Variants in AP4S1 observed in about 807,000 individuals in gnomAD.
AP4S1 encodes AP-4 complex subunit sigma-1.
In AP4S1, 23 loss-of-function variants were observed where a neutral mutation model predicts 19.8. That is an observed-to-expected ratio of 1.16 (90% CI 0.84 to 1.65). The LOEUF is 1.65. Ranked by LOEUF, AP4S1 falls within the 40% of genes most tolerant of loss-of-function variation. The pLI, the probability that AP4S1 is intolerant of heterozygous loss-of-function variation, is 0.00. For synonymous variants in AP4S1, 46 were observed against 54.1 expected (o/e 0.85, Z 0.66); for missense variants, 166 against 172.8 (o/e 0.96, Z 0.22).
upstream of AP4S1, chr14:31,025,508 G>T (rs764963520): frequency 1.3e-4 from 27 of 214,322 alleles, no homozygotes; most frequent in Non-Finnish European, 2.6e-4. Flanking sequence ...CTCTCTTCGG[G>T]CTCTTCATCT....
intron 1 of AP4S1, among the ~76,000 whole-genome samples, chr14:31,049,428 A>AAAAAAAAAAATATAT (rs1384450221): frequency 5.2e-5 from 3 of 57,742 alleles, no homozygotes; most frequent in Non-Finnish European, 8.7e-5. Context: ...AAAAAAAAAA[A>AAAAAAAAAAATATAT]ATATATATAT....
At chr14:31,064,925 G>C (rs1886633728) in intron 1 of AP4S1, among the ~76,000 whole-genome samples, 2 of 152,190 alleles carry the variant, frequency 1.3e-5, no homozygotes, top group Non-Finnish European at 2.9e-5. Context: ...CTGCACTCCA[G>C]CCTGGGTGAC....
chr14:31,026,205 G>C, intron 1 of AP4S1: 4 of 1,399,680 alleles, frequency 2.9e-6, no homozygotes, highest in South Asian at 3.1e-5. Context: ...GGCCCCGGCC[G>C]GGGCGCAGGG....
At position 31,069,926 on chromosome 14, in the gene AP4S1, T is replaced by G. The variant is rs554442025; in HGVS notation, c.222T>G (p.Thr74=). The change falls in exon 3 of 6, where the codon ACT becomes ACG. Residue 74 remains threonine, a synonymous_variant. Transcript: ENST00000542754. ...TCATTGTGGTTGGAGTTAATGACAC[T>G]GAGGTAAGATAATAGAAGAGCCCTT... ...ALFIVVGVND[T]ENEMAIYEFI... 4 of 1,607,030 alleles carry G rather than the reference T, an allele frequency of 2.5e-6. No individual in the cohort carries two copies. The African/African-American group carries it at 4.0e-5, about 16-fold the overall frequency.
intron 1 of AP4S1, among the ~76,000 whole-genome samples, chr14:31,053,998 G>T (rs1259553502): frequency 6.6e-6 from 1 of 151,986 alleles, no homozygotes; most frequent in Non-Finnish European, 1.5e-5. Context: ...AGGATATGAG[G>T]GTATTTTATA....
Position 31,058,517 on chromosome 14 carries a change from CTGTGTGTGTATGTGTGTGTGTG to C in AP4S1, c.-71-7599_-71-7578del, listed in dbSNP as rs1447817166. Among the ~76,000 whole-genome samples, 799 of 139,432 alleles carry C rather than the reference CTGTGTGTGTATGTGTGTGTGTG, an allele frequency of 5.7e-3. 4 individuals are homozygous for C. The highest frequency in any genetic ancestry group is 8.7e-3 in the Admixed American group (119 of 13,608). The allele number at this position is 139,432 out of a possible 152,430, so 91.5% of individuals were successfully genotyped here. A position where few individuals can be genotyped will look rare whatever the true frequency, so the allele number is the denominator to read the frequency against. On this transcript the variant is annotated intron_variant, in intron 1 of 5. Coordinates refer to ENST00000542754, the MANE Select transcript of AP4S1 (RefSeq NM_001128126.3). ...GGTCATCAAAACATCTTCCCCATCT[CTGTGTGTGTATGTGTGTGTGTG>C]TGTGTGTGTGTGTGTGTGTGTGTGT...
chr14:31,046,922 G>T (rs933109774), intron 1 of AP4S1, among the ~76,000 whole-genome samples: 1 of 151,576 alleles, frequency 6.6e-6, no homozygotes, highest in Admixed American at 6.6e-5. Context: ...TTTGGAAACT[G>T]CCGATTTGTT....
intron 4 of AP4S1, among the ~76,000 whole-genome samples, chr14:31,075,215 C>T (rs1017480715): frequency 3.9e-5 from 6 of 152,138 alleles, no homozygotes; most frequent in Admixed American, 3.9e-4. Flanking sequence ...TGGTAACCAC[C>T]AATTTACTGT....
At chr14:31,089,875 C>G (rs552239536) in intron 5 of AP4S1, among the ~76,000 whole-genome samples, 8 of 152,328 alleles carry the variant, frequency 5.3e-5, no homozygotes, top group Non-Finnish European at 1.0e-4. Flanking sequence ...GCCTAGATCA[C>G]CCCACTCCAC....
At chr14:31,085,014 T>C (rs1594714174) in intron 5 of AP4S1, 1 of 1,506,248 alleles carries the variant, frequency 6.6e-7, no homozygotes, top group East Asian at 2.5e-5. Context: ...TTGGTGCCTT[T>C]AAAGAGGCCT....
chr14:31,065,077 A>G (rs962377774), intron 1 of AP4S1, among the ~76,000 whole-genome samples: 1 of 152,190 alleles, frequency 6.6e-6, no homozygotes, highest in Non-Finnish European at 1.5e-5. Context: ...CACTACTATT[A>G]TTTCCACCAC....
chr14:31,035,483 G>A (rs1376058816), intron 1 of AP4S1, among the ~76,000 whole-genome samples: 5 of 151,526 alleles, frequency 3.3e-5, no homozygotes, highest in Non-Finnish European at 5.9e-5. Flanking sequence ...AAGCAACCAC[G>A]CCCAGCCAGT....
chr14:31,033,302 C>T (rs1884520274), intron 1 of AP4S1, among the ~76,000 whole-genome samples: 1 of 152,078 alleles, frequency 6.6e-6, no homozygotes. Context: ...CAACCTCTGC[C>T]TCCCGTGTTC....
rs576584966 is a variant in AP4S1 at position 31,095,922 on chromosome 14, A to C, written c.*2887A>C. 6.6e-6 allele frequency: 1 copy of C among 151,652 alleles called. No individual in the cohort carries two copies. The highest frequency in any genetic ancestry group is 1.5e-5 in the Non-Finnish European group (1 of 67,928). The allele number at this position is 151,652 out of a possible 1,614,324, so 9.4% of individuals were successfully genotyped here. ...AACATGGTGAGACCCTGTCTCTACTAAAACTACGAAAAATTAGCCGGGCAT... is the reference window on the plus strand; with the variant it reads ...AACATGGTGAGACCCTGTCTCTACTCAAACTACGAAAAATTAGCCGGGCAT... On this transcript the variant is annotated 3_prime_UTR_variant, in exon 6 of 6. Transcript: ENST00000542754.
At chr14:31,073,084 A>G (rs1887103660) in intron 4 of AP4S1, 111 bp downstream of exon 4, 1 of 985,868 alleles carries the variant, frequency 1.0e-6, no homozygotes, top group Admixed American at 2.0e-5. Context: ...TTAATAAGTA[A>G]AAGTTAAAAC....
At chr14:31,026,066 G>A (rs1335813639) in intron 1 of AP4S1, 4 of 1,516,678 alleles carry the variant, frequency 2.6e-6, no homozygotes, top group Non-Finnish European at 3.5e-6. Context: ...GAGGACCCCC[G>A]CCGCCCGCCG....
At chr14:31,045,538 A>G (rs367658733) in intron 1 of AP4S1, among the ~76,000 whole-genome samples, 5 of 152,186 alleles carry the variant, frequency 3.3e-5, no homozygotes, top group African/African-American at 1.2e-4. Flanking sequence ...CCGTCGCCTT[A>G]TGCCATGATT....
intron 1 of AP4S1, among the ~76,000 whole-genome samples, chr14:31,028,596 TACAC>T (rs112174443): frequency 2.7e-5 from 4 of 149,020 alleles, no homozygotes; most frequent in East Asian, 2.0e-4. Flanking sequence ...TACACACACA[TACAC>T]ACACACACAC....
chr14:31,077,022 C>T (rs754364578), intron 4 of AP4S1, among the ~76,000 whole-genome samples: 1 of 152,138 alleles, frequency 6.6e-6, no homozygotes, highest in South Asian at 2.1e-4. Context: ...ACCTCCGTCC[C>T]GGGTTCAAGC....
Sources: gnomAD v4.1 joint callset for allele counts (sites outside exome capture counted in the v4.1 genomes callset) on GRCh38, gnomAD v4.1.1 for gene constraint, MANE v1.5 for transcripts, NCBI Gene and HGNC (gene_info 2026-07-23, HGNC 2026-07-21) for gene names.